Variants in CAST observed in about 807,000 individuals in gnomAD.
The protein encoded by CAST is calpastatin.
In CAST, 76 loss-of-function variants were observed where a neutral mutation model predicts 119.6. That is an observed-to-expected ratio of 0.64 (90% CI 0.53 to 0.77). CAST has a LOEUF of 0.77. CAST is among the 30% of genes least tolerant of loss of function. The pLI is 0.00. For synonymous variants in CAST, 319 were observed against 331.6 expected, an observed-to-expected ratio of 0.96 and a Z score of 0.41; for missense variants, 953 against 946.5, an observed-to-expected ratio of 1.01 and a Z score of -0.09.
chr5:96,159,841 A>G, the CAST span, among the ~76,000 whole-genome samples: 1 of 152,136 alleles, frequency 6.6e-6, no homozygotes, highest in East Asian at 1.9e-4. Context: ...ATACCATACA[A>G]TTCACCCTTT....
chr5:96,766,370 A>G lies in CAST; in HGVS notation c.2130+225A>G, dbSNP rs26480. ...CTCTGTGGTATAAACAGGGTTGAAT[A>G]CTGTTCAGTCACTCACAGATGCTTA... On this transcript the variant is annotated intron_variant, in intron 27 of 31. Coordinates refer to ENST00000675179, the MANE Select transcript of CAST (RefSeq NM_001750.7). Among the ~76,000 whole-genome samples, 12 of 152,332 alleles carry G rather than the reference A, an allele frequency of 7.9e-5. No individual in the cohort carries two copies. In the South Asian group the frequency reaches 2.5e-3, roughly 32 times the overall value.
chr5:96,491,053 G>GA, the CAST span, among the ~76,000 whole-genome samples: 2 of 151,436 alleles, frequency 1.3e-5, no homozygotes, highest in African/African-American at 2.4e-5. Context: ...CAAACCAACA[G>GA]AAAAAAATAG....
At chr5:96,658,242 A>G (rs926663086), upstream of CAST, among the ~76,000 whole-genome samples, 2 of 152,180 alleles carry the variant, frequency 1.3e-5, no homozygotes, top group Non-Finnish European at 2.9e-5. Flanking sequence ...ACATCATCCC[A>G]AATTTGGTTT....
chr5:96,768,092 GGTCT>G, intron 29 of CAST, 93 bp downstream of exon 29: 1 of 856,370 alleles, frequency 1.2e-6, no homozygotes, highest in Non-Finnish European at 2.0e-6. Context: ...TCTATCTATC[GGTCT>G]GTCTTGTAAC....
chr5:96,067,376 A>G, the CAST span, among the ~76,000 whole-genome samples: 1 of 152,212 alleles, frequency 6.6e-6, no homozygotes, highest in Non-Finnish European at 1.5e-5. Context: ...ATGGCTCATT[A>G]TAGTCTCTAA....
the CAST span, among the ~76,000 whole-genome samples, chr5:96,275,254 T>A: frequency 3.9e-5 from 6 of 152,226 alleles, no homozygotes; most frequent in Non-Finnish European, 8.8e-5. Flanking sequence ...AATAAGTCAC[T>A]AATTTTCTTT....
chr5:96,762,944 G>A (rs1768516979), intron 25 of CAST: 4 of 555,480 alleles, frequency 7.2e-6, no homozygotes, highest in Non-Finnish European at 9.7e-6. Flanking sequence ...AGGCAAGGCT[G>A]TGGGACCAAA....
intron 20 of CAST, 43 bp downstream of exon 20, chr5:96,750,725 T>A: frequency 9.7e-6 from 11 of 1,135,028 alleles, no homozygotes; most frequent in Non-Finnish European, 1.5e-5. Context: ...TTGAGAAAGT[T>A]TTCTGCCTCC....
the CAST span, among the ~76,000 whole-genome samples, chr5:95,999,450 A>C: frequency 1.3e-5 from 2 of 152,102 alleles, no homozygotes; most frequent in African/African-American, 2.4e-5. Context: ...CCCAGGCTCA[A>C]ACGATCCTCC....
At chr5:96,480,751 T>G in the CAST span, among the ~76,000 whole-genome samples, 3 of 152,102 alleles carry the variant, frequency 2.0e-5, no homozygotes, top group African/African-American at 7.2e-5. Flanking sequence ...ATAAAGTGCT[T>G]TAGGAAGAAC....
the CAST span, among the ~76,000 whole-genome samples, chr5:96,178,579 G>A: frequency 6.6e-6 from 1 of 152,156 alleles, no homozygotes. Flanking sequence ...AAGGGGTGAT[G>A]GGCTCTAGTC....
chr5:96,718,214 ATCTT>A (rs1048112635), intron 3 of CAST, among the ~76,000 whole-genome samples: 1 of 152,178 alleles, frequency 6.6e-6, no homozygotes, highest in Non-Finnish European at 1.5e-5. Context: ...GCCTATATCT[ATCTT>A]TCTTGGCTTC....
At chr5:96,372,216 G>A in the CAST span, among the ~76,000 whole-genome samples, 1 of 152,192 alleles carries the variant, frequency 6.6e-6, no homozygotes, top group Non-Finnish European at 1.5e-5. Context: ...TAAATATCAG[G>A]TGGCTCCTTC....
the CAST span, among the ~76,000 whole-genome samples, chr5:96,414,924 C>T: frequency 1.2e-4 from 18 of 152,100 alleles, no homozygotes; most frequent in South Asian, 1.7e-3. Flanking sequence ...TTACATGTCA[C>T]GATGTATATT....
At chr5:96,472,535 C>A in the CAST span, among the ~76,000 whole-genome samples, 1 of 152,162 alleles carries the variant, frequency 6.6e-6, no homozygotes, top group Non-Finnish European at 1.5e-5. Context: ...TTTCAGAATT[C>A]TTTGCAACAC....
At chr5:96,739,256 C>T (rs1381995339) in intron 11 of CAST, among the ~76,000 whole-genome samples, 2 of 152,120 alleles carry the variant, frequency 1.3e-5, no homozygotes, top group East Asian at 1.9e-4. Context: ...AGGAAGTCCA[C>T]CTGTAGAGAG....
chr5:96,587,670 G>C (rs748633690), intron 1 of CAST, among the ~76,000 whole-genome samples: 2 of 152,172 alleles, frequency 1.3e-5, no homozygotes, highest in Non-Finnish European at 2.9e-5. Context: ...GCCAATTTCA[G>C]CTCTGTGGAC....
the CAST span, among the ~76,000 whole-genome samples, chr5:96,047,486 A>G: frequency 1.3e-5 from 2 of 152,232 alleles, no homozygotes; most frequent in Admixed American, 1.3e-4. Flanking sequence ...AGACTCTAAC[A>G]AAGACTTTCA....
the CAST span, among the ~76,000 whole-genome samples, chr5:96,462,175 A>G: frequency 6.6e-6 from 1 of 152,074 alleles, no homozygotes; most frequent in African/African-American, 2.4e-5. Context: ...TTACCCTAAC[A>G]GTGCAAATTT....
Sources: allele counts gnomAD v4.1 joint callset (sites outside exome capture counted in the v4.1 genomes callset), GRCh38; gene constraint gnomAD v4.1.1; transcripts MANE v1.5; gene names NCBI Gene and HGNC (gene_info 2026-07-23, HGNC 2026-07-21).